Variants in PITX1 observed in about 807,000 individuals in gnomAD.
PITX1 encodes the protein pituitary homeobox 1.
In PITX1, 5 loss-of-function variants were observed where a neutral mutation model predicts 24.1. The observed-to-expected ratio is 0.21, with a 90% confidence interval of 0.11 to 0.44. PITX1 has a LOEUF of 0.44. Among genes scored for constraint, PITX1 ranks in the 20% least tolerant of loss-of-function variants. PITX1 has a pLI of 0.99. For synonymous variants in PITX1, 213 were observed against 208.9 expected (o/e 1.02, Z -0.17); for missense variants, 401 against 455.4 (o/e 0.88, Z 1.09).
At position 135,031,498 on chromosome 5, in the gene PITX1, G is replaced by C; in HGVS notation, c.180C>G (p.Arg60=). 6.2e-7 allele frequency: 1 copy of C among 1,611,034 alleles called. No homozygotes were observed. The highest frequency in any genetic ancestry group is 8.5e-7 in the Non-Finnish European group (1 of 1,179,488). ...CCTCGGGCCCCTTGGGTTCCCCGCCGCGCTCCTTCTCTGCAGTAGGCAGGA... is the reference window on the plus strand; with the variant it reads ...CCTCGGGCCCCTTGGGTTCCCCGCCCCGCTCCTTCTCTGCAGTAGGCAGGA... ...SSDTELPEKE[R]GGEPKGPEDS... is the part of the protein sequence containing the mutation. The change falls in exon 2 of 3, where the codon CGC becomes CGG. Residue 60 remains arginine, a synonymous_variant. Coordinates refer to ENST00000265340, the MANE Select transcript of PITX1 (RefSeq NM_002653.5).
At chr5:135,029,384 C>A in intron 2 of PITX1, 63 bp from the exon 3 acceptor site, 1 of 1,382,760 alleles carries the variant, frequency 7.2e-7, no homozygotes, top group South Asian at 1.4e-5. Flanking sequence ...CCACCCCCTT[C>A]CCCACCGCCT....
rs1225728215 is a variant in PITX1, at chr5:135,033,878, C to T, written c.4G>A (p.Asp2Asn). 5 of 1,435,792 alleles carry T rather than the reference C, an allele frequency of 3.5e-6. No individual in the cohort carries two copies. The highest frequency in any genetic ancestry group is 1.8e-6 in the Non-Finnish European group (2 of 1,104,388). The allele number at this position is 1,435,792 out of a possible 1,614,324, so 88.9% of individuals were successfully genotyped here. M[D>N]AFKGGMSLER... is the part of the protein sequence containing the mutation. ...AGGCTCATGCCCCCCTTGAAGGCGTCCATGGAGGTGGGGACCGCGGCGGGC... is the reference window on the plus strand; with the variant it reads ...AGGCTCATGCCCCCCTTGAAGGCGTTCATGGAGGTGGGGACCGCGGCGGGC... Residue 2 changes from aspartate (D) to asparagine (N), a missense_variant, in exon 1 of 3, where the codon GAC becomes AAC. Physicochemically the swap from Asp to Asn is conservative, Grantham distance 23. Coordinates refer to ENST00000265340, the MANE Select transcript of PITX1 (RefSeq NM_002653.5). The surrounding 1 kb of genome is among the most constrained non-coding windows in gnomAD (Gnocchi z 5.9).
At chr5:135,031,596 G>A (rs1193899355) in intron 1 of PITX1, 88 bp from the exon 2 acceptor site, 2 of 1,103,644 alleles carry the variant, frequency 1.8e-6, no homozygotes. Context: ...CGCCACCAGC[G>A]CTGGCGGTCT....
Position 135,027,975 on chromosome 5 carries a change from C to T in PITX1, c.*804G>A, listed in dbSNP as rs1752375897. The stretch of plus-strand genomic sequence containing the variant: ...CCAGACAGAGGGCCACCTCCTAGCC[C>T]GGGAGCAGAGCAGAGGGCCTGGGCC... On this transcript the variant is annotated 3_prime_UTR_variant, in exon 3 of 3. Transcript: ENST00000265340. 6.6e-6 allele frequency: 1 copy of T among 152,574 alleles called. No homozygotes were observed. Among genetic ancestry groups the T allele is most frequent in the East Asian group, 1.9e-4 (1 of 5,184 alleles). The allele number at this position is 152,574 out of a possible 1,614,324, so 9.5% of individuals were successfully genotyped here. A position where few individuals can be genotyped will look rare whatever the true frequency, so the allele number is the denominator to read the frequency against.
At position 135,033,707 on chromosome 5, in the gene PITX1, G is replaced by A. The variant is rs1752507440; in HGVS notation, c.169+6C>T. The stretch of plus-strand genomic sequence containing the variant: ...CTGTGCGCGCCGCGCGGGGAACGGC[G>A]CTTACCTGGCAGCTCCGTGTCAGAC... On this transcript the variant is annotated splice_donor_region_variant and intron_variant, in intron 1 of 2. Transcript: ENST00000265340. This position sits in a 1 kb window ranked among gnomAD's most constrained non-coding sequence, Gnocchi z 5.9. The A allele has an allele frequency of 1.3e-6, 2 of 1,595,582 alleles. 1 individual carries two copies. The highest frequency in any genetic ancestry group is 2.2e-5 in the South Asian group (2 of 90,556).
Position 135,029,284 on chromosome 5 carries a change from C to G in PITX1, c.440G>C (p.Arg147Pro), listed in dbSNP as rs1360539859. The change falls in exon 3 of 3, where the codon CGC becomes CCC. Residue 147 changes from arginine (R) to proline (P), a missense_variant. Transcript: ENST00000265340. ...CAGGTCCAGCTGCTGGTTACGCTCGCGCTTACGCCACTTGGCTCGCCGGTT... is the reference window on the plus strand; with the variant it reads ...CAGGTCCAGCTGCTGGTTACGCTCGGGCTTACGCCACTTGGCTCGCCGGTT... ...FKNRRAKWRK[R>P]ERNQQLDLCK... The G allele has an allele frequency of 6.2e-7, 1 of 1,606,190 alleles. No individual in the cohort carries two copies. The highest frequency in any genetic ancestry group is 8.5e-7 in the Non-Finnish European group (1 of 1,175,230).
chr5:135,028,930 CCGT>C lies in PITX1; in HGVS notation c.791_793del (p.Tyr264_Gly265delinsCys). 6.2e-7 allele frequency: 1 copy of C among 1,613,932 alleles called. No homozygotes were observed. Among genetic ancestry groups the C allele is most frequent in the Non-Finnish European group, 8.5e-7 (1 of 1,179,938 alleles). On this transcript the variant is annotated inframe_deletion, in exon 3 of 3. Coordinates refer to ENST00000265340, the MANE Select transcript of PITX1 (RefSeq NM_002653.5). ...GACGCTGTAGGGCGAGGCGGGAGTG[CCGT>C]ACGGGCAAGCGCCCGGCGACATGGC...
chr5:135,032,413 A>G (rs6596188), intron 1 of PITX1, among the ~76,000 whole-genome samples: 1 of 152,126 alleles, frequency 6.6e-6, no homozygotes, highest in Admixed American at 6.5e-5. Context: ...CTCCTTCCCA[A>G]TAAGGCCCTT....
chr5:135,028,729 C>T lies in PITX1; in HGVS notation c.*50G>A. ...CCGCGTGCGTCCTCCGCGCCCGCGC[C>T]CGCGCCCTTCCCCGCTCCGGCCGCC... On this transcript the variant is annotated 3_prime_UTR_variant, in exon 3 of 3. Transcript: ENST00000265340. 2 of 1,354,352 alleles carry T rather than the reference C, an allele frequency of 1.5e-6. No individual in the cohort carries two copies. Among genetic ancestry groups the T allele is most frequent in the Non-Finnish European group, 1.9e-6 (2 of 1,050,364 alleles). 83.9% of individuals were successfully genotyped at this position (1,354,352 alleles called of 1,614,324 possible).
At position 135,029,113 on chromosome 5, in the gene PITX1, G is replaced by A; in HGVS notation, c.611C>T (p.Ser204Phe). 1.2e-6 allele frequency: 2 copies of A among 1,614,256 alleles called. No individual in the cohort carries two copies. Among genetic ancestry groups the A allele is most frequent in the Non-Finnish European group, 1.7e-6 (2 of 1,180,050 alleles). ...LSTKSFTFFN[S>F]MSPLSSQSMF... ...GGACTGCGACGACAGCGGGCTCATG[G>A]AGTTGAAGAAGGTGAAGCTCTTGGT... The change falls in exon 3 of 3, where the codon TCC becomes TTC. Residue 204 changes from serine to phenylalanine, a missense_variant. Transcript: ENST00000265340.
chr5:135,030,188 C>T (rs1752424291), intron 2 of PITX1, among the ~76,000 whole-genome samples: 1 of 152,100 alleles, frequency 6.6e-6, no homozygotes, highest in Non-Finnish European at 1.5e-5. Context: ...ATCTGCCTAC[C>T]GCATGCCCTC....
Position 135,033,452 on chromosome 5 carries a change from G to A in PITX1, c.169+261C>T. 1 of 535,666 alleles carries A rather than the reference G, an allele frequency of 1.9e-6. No homozygotes were observed. 33.2% of individuals were successfully genotyped at this position (535,666 alleles called of 1,614,324 possible). A position where few individuals can be genotyped will look rare whatever the true frequency, so the allele number is the denominator to read the frequency against. Reference sequence around the variant, plus strand: ...GTTCTATTTACTCCTGATCAAGAGGGGCTGTCAGTCCAACCCTCCAGCTGT... The same window carrying A: ...GTTCTATTTACTCCTGATCAAGAGGAGCTGTCAGTCCAACCCTCCAGCTGT... On this transcript the variant is annotated intron_variant, in intron 1 of 2. Coordinates refer to ENST00000265340, the MANE Select transcript of PITX1 (RefSeq NM_002653.5). The surrounding 1 kb of genome is among the most constrained non-coding windows in gnomAD (Gnocchi z 5.9).
chr5:135,029,404 C>T (rs1056778210), intron 2 of PITX1, 83 bp from the exon 3 acceptor site: 8 of 1,150,054 alleles, frequency 7.0e-6, no homozygotes, highest in South Asian at 3.0e-5. Context: ...TGGAGCCTTC[C>T]GTCGGCCCGC....
intron 1 of PITX1, among the ~76,000 whole-genome samples, chr5:135,032,242 G>A (rs554789951): frequency 6.6e-6 from 1 of 152,330 alleles, no homozygotes; most frequent in East Asian, 1.9e-4. Context: ...AATCAGACAG[G>A]AAGAAACACA....
chr5:135,031,584 C>T (rs1214718182), intron 1 of PITX1, 76 bp from the exon 2 acceptor site: 6 of 1,225,346 alleles, frequency 4.9e-6, no homozygotes, highest in Non-Finnish European at 5.7e-6. Context: ...CACCGAACCG[C>T]TCGCCACCAG....
chr5:135,034,418 C>A, upstream of PITX1: 1 of 151,846 alleles, frequency 6.6e-6, no homozygotes, highest in South Asian at 1.8e-4. Context: ...TCGCCCGCGC[C>A]CTCCCCCTCC....
rs569223515 is a variant in PITX1 at position 135,029,139 on chromosome 5, G to A, written c.585C>T (p.Ser195=). 1.9e-5 allele frequency: 31 copies of A among 1,614,274 alleles called. No homozygotes were observed. In the East Asian group the frequency reaches 6.2e-4, roughly 32 times the overall value. ...AAKSLAPAPL[S]TKSFTFFNSM... is the part of the protein sequence containing the mutation. ...AGTTGAAGAAGGTGAAGCTCTTGGT[G>A]GAGAGCGGCGCTGGCGCCAGGCTCT... The change falls in exon 3 of 3, where the codon TCC becomes TCT. Residue 195 remains serine (S), a synonymous_variant. Coordinates refer to ENST00000265340, the MANE Select transcript of PITX1 (RefSeq NM_002653.5).
intron 1 of PITX1, chr5:135,031,908 C>T (rs6872664): frequency 0.17 from 38,108 of 229,816 alleles, 5,215 homozygotes; most frequent in African/African-American, 0.42. Context: ...GATCAGATCT[C>T]TCCAGCCTAA....
Position 135,029,046 on chromosome 5 carries a change from C to T in PITX1, c.678G>A (p.Pro226=), listed in dbSNP as rs1259758996. 2 of 1,614,176 alleles carry T rather than the reference C, an allele frequency of 1.2e-6. No homozygotes were observed. The highest frequency in any genetic ancestry group is 1.7e-6 in the Non-Finnish European group (2 of 1,180,034). ...APSSISSMTM[P]SSMGPGAVPG... The stretch of plus-strand genomic sequence containing the variant: ...GCACGGCGCCTGGGCCCATGCTGGA[C>T]GGCATGGTCATGGAGGAGATGGAGC... The change falls in exon 3 of 3, where the codon CCG becomes CCA. Residue 226 remains proline, a synonymous_variant. Coordinates refer to ENST00000265340, the MANE Select transcript of PITX1 (RefSeq NM_002653.5).
Sources: gnomAD v4.1 joint callset for allele counts (sites outside exome capture counted in the v4.1 genomes callset) on GRCh38, gnomAD v4.1.1 for gene constraint, Gnocchi (gnomAD v3.1) non-coding constraint, MANE v1.5 for transcripts, NCBI Gene and HGNC (gene_info 2026-07-23, HGNC 2026-07-21) for gene names.